The following ANKS1B variants were observed in gnomAD, a reference collection of about 807,000 sequenced individuals.
The protein encoded by ANKS1B is ankyrin repeat and sterile alpha motif domain-containing protein 1B.
Under a neutral mutation model 148.3 loss-of-function variants are expected in ANKS1B, and 36 were observed. That is an observed-to-expected ratio of 0.24 (90% confidence interval 0.19 to 0.32). The LOEUF is 0.32. ANKS1B is among the 10% of genes least tolerant of loss of function. The pLI is 1.00. For synonymous variants in ANKS1B, 542 were observed against 560.8 expected, an observed-to-expected ratio of 0.97 and a Z score of 0.47; for missense variants, 1,157 against 1,542.6, an observed-to-expected ratio of 0.75 and a Z score of 4.19.
At chr12:98,958,348 C>T (rs1036532850) in intron 17 of ANKS1B, among the ~76,000 whole-genome samples, 1 of 152,200 alleles carries the variant, frequency 6.6e-6, no homozygotes, top group Non-Finnish European at 1.5e-5. Flanking sequence ...TACTTACAGT[C>T]AGCACACAGC....
intron 22 of ANKS1B, among the ~76,000 whole-genome samples, chr12:98,787,922 G>A (rs1462155899): frequency 2.8e-5 from 4 of 144,988 alleles, no homozygotes; most frequent in Non-Finnish European, 6.1e-5. Context: ...TCTGGGTGAC[G>A]GAGCAAGACT....
At chr12:99,225,254 AAG>A (rs966167494) in intron 14 of ANKS1B, among the ~76,000 whole-genome samples, 1 of 152,074 alleles carries the variant, frequency 6.6e-6, no homozygotes, top group Non-Finnish European at 1.5e-5. Flanking sequence ...AAAGCTGGAA[AAG>A]AGTTTCTTTC....
At chr12:99,770,373 C>T (rs375090091) in intron 8 of ANKS1B, among the ~76,000 whole-genome samples, 80 of 152,252 alleles carry the variant, frequency 5.3e-4, no homozygotes, top group African/African-American at 1.8e-3. Context: ...CAACTCAAAA[C>T]ATGGTAAGAA....
chr12:99,519,492 T>C (rs1197561555), intron 9 of ANKS1B, among the ~76,000 whole-genome samples: 6 of 152,142 alleles, frequency 3.9e-5, no homozygotes, highest in Non-Finnish European at 5.9e-5. Flanking sequence ...GTCTGACTTG[T>C]CTTATAGTTT....
intron 12 of ANKS1B, among the ~76,000 whole-genome samples, chr12:99,323,827 A>C (rs2085782814): frequency 6.6e-6 from 1 of 152,182 alleles, no homozygotes; most frequent in South Asian, 2.1e-4. Flanking sequence ...GGCTGAGAAG[A>C]ACAGACTAGA....
In ANKS1B at chr12:99,646,387, G is replaced by A. The variant is rs926538350; in HGVS notation, c.1272+8680C>T. On this transcript the variant is annotated intron_variant, in intron 9 of 26. Transcript: ENST00000683438. ...CTAAAGACTCAAGTGGGCTGGGCAC[G>A]GTGGCTCACACCTGTAATCCCAGCA... Among the ~76,000 whole-genome samples, 6 of 152,076 alleles carry A rather than the reference G, an allele frequency of 3.9e-5. No individual in the cohort carries two copies. The South Asian group carries it at 6.2e-4, about 16-fold the overall frequency.
intron 14 of ANKS1B, among the ~76,000 whole-genome samples, chr12:99,207,960 C>T (rs1232813314): frequency 2.0e-5 from 3 of 151,910 alleles, no homozygotes; most frequent in Non-Finnish European, 4.4e-5. Flanking sequence ...AAATGTTATC[C>T]ATATGTTTTT....
At position 99,705,407 on chromosome 12, in the gene ANKS1B, T is replaced by C. The variant is rs116158475; in HGVS notation, c.1129-50197A>G. Among the ~76,000 whole-genome samples, 629 of 152,214 alleles carry C rather than the reference T, an allele frequency of 4.1e-3. 10 individuals carry two copies. The highest frequency in any genetic ancestry group is 0.014 in the African/African-American group (598 of 41,558). ...CCCATTAGGAGCTTAAAAGAGGGATTTCCTAGGATGTTCCGGTCAAAAGGA... is the reference window on the plus strand; with the variant it reads ...CCCATTAGGAGCTTAAAAGAGGGATCTCCTAGGATGTTCCGGTCAAAAGGA... On this transcript the variant is annotated intron_variant, in intron 8 of 26. Coordinates refer to ENST00000683438, the MANE Select transcript of ANKS1B (RefSeq NM_001352186.2).
chr12:99,029,098 T>G (rs910717657), intron 17 of ANKS1B, among the ~76,000 whole-genome samples: 1 of 152,176 alleles, frequency 6.6e-6, no homozygotes, highest in Admixed American at 6.5e-5. Flanking sequence ...CAAGCCTACT[T>G]GCAAAGATGC....
intron 8 of ANKS1B, among the ~76,000 whole-genome samples, chr12:99,715,886 GAC>G (rs769553835): frequency 1.3e-5 from 2 of 152,258 alleles, no homozygotes; most frequent in East Asian, 1.9e-4. Flanking sequence ...AAACAAAGAA[GAC>G]ACATTTTATC....
intron 17 of ANKS1B, among the ~76,000 whole-genome samples, chr12:98,888,553 C>T (rs1401853807): frequency 6.6e-6 from 1 of 152,240 alleles, no homozygotes; most frequent in Non-Finnish European, 1.5e-5. Flanking sequence ...TTGCCACGAC[C>T]AGCAAGGCTG....
intron 17 of ANKS1B, among the ~76,000 whole-genome samples, chr12:98,980,442 G>C (rs2099908005): frequency 6.6e-6 from 1 of 152,172 alleles, no homozygotes; most frequent in Non-Finnish European, 1.5e-5. Flanking sequence ...TCCTGACCTC[G>C]TGATCTGCCC....
chr12:99,757,221 A>C (rs530817803), intron 8 of ANKS1B, among the ~76,000 whole-genome samples: 2 of 152,260 alleles, frequency 1.3e-5, no homozygotes, highest in South Asian at 2.1e-4. Context: ...TCTAATAGCC[A>C]GCATCTTTAA....
At chr12:99,239,267 G>T (rs1053579144) in intron 14 of ANKS1B, among the ~76,000 whole-genome samples, 5 of 152,164 alleles carry the variant, frequency 3.3e-5, no homozygotes, top group African/African-American at 1.2e-4. Flanking sequence ...ACCTCATGAT[G>T]CATGCACAAG....
In ANKS1B at chr12:99,929,813, T is replaced by A. The variant is rs945344891; in HGVS notation, c.134+54291A>T. Reference sequence around the variant, plus strand: ...GTCAAAGATCAGATAGTTGCAGATATGCGGCATTATTTCTGAGGGCTCTGT... The same window carrying A: ...GTCAAAGATCAGATAGTTGCAGATAAGCGGCATTATTTCTGAGGGCTCTGT... On this transcript the variant is annotated intron_variant, in intron 1 of 26. Coordinates refer to ENST00000683438, the MANE Select transcript of ANKS1B (RefSeq NM_001352186.2). 8.2e-4 allele frequency among the ~76,000 whole-genome samples: 124 copies of A among 152,144 alleles called. 2 individuals carry two copies. The highest frequency in any genetic ancestry group is 2.7e-3 in the African/African-American group (110 of 41,502).
At chr12:99,590,936 A>G (rs2097696650) in intron 9 of ANKS1B, among the ~76,000 whole-genome samples, 1 of 152,166 alleles carries the variant, frequency 6.6e-6, no homozygotes, top group African/African-American at 2.4e-5. Context: ...AACTGTCTCT[A>G]TACATACAAT....
chr12:99,942,952 G>A (rs117388423), intron 1 of ANKS1B, among the ~76,000 whole-genome samples: 45 of 152,238 alleles, frequency 3.0e-4, no homozygotes, highest in Non-Finnish European at 2.8e-4. Context: ...TTTGATTCAC[G>A]AATGACCACA....
At chr12:99,419,453 A>G (rs150214406) in intron 11 of ANKS1B, among the ~76,000 whole-genome samples, 7 of 152,242 alleles carry the variant, frequency 4.6e-5, no homozygotes, top group African/African-American at 1.4e-4. Context: ...TGACATCCCT[A>G]TTTTATTCCT....
intron 17 of ANKS1B, among the ~76,000 whole-genome samples, chr12:98,990,460 A>G (rs2099925919): frequency 6.6e-6 from 1 of 151,990 alleles, no homozygotes; most frequent in African/African-American, 2.4e-5. Flanking sequence ...AGAGAGAAAC[A>G]GAAAAATAAA....
Sources: allele counts gnomAD v4.1 joint callset (sites outside exome capture counted in the v4.1 genomes callset), GRCh38; gene constraint gnomAD v4.1.1; transcripts MANE v1.5; gene names NCBI Gene and HGNC (gene_info 2026-07-23, HGNC 2026-07-21).